Variants in SRSF4 observed in about 807,000 individuals in gnomAD.
The protein encoded by SRSF4 is serine and arginine rich splicing factor 4.
SRSF4 carries 12 observed loss-of-function variants against 48.8 expected under a neutral mutation model. The ratio of observed to expected loss-of-function variants is 0.25; its 90% CI spans 0.16 to 0.40. The LOEUF (loss-of-function observed/expected upper bound fraction) is 0.40. SRSF4 is among the 10% of genes least tolerant of loss of function. The pLI, the probability that SRSF4 is intolerant of heterozygous loss-of-function variation, is 1.00. For synonymous variants in SRSF4, 248 were observed against 232.5 expected, an observed-to-expected ratio of 1.07 and a Z score of -0.61; for missense variants, 466 against 667.1, an observed-to-expected ratio of 0.70 and a Z score of 3.32.
intron 1 of SRSF4, among the ~76,000 whole-genome samples, chr1:29,174,603 T>C (rs1189853405): frequency 6.7e-6 from 1 of 149,820 alleles, no homozygotes; most frequent in Non-Finnish European, 1.5e-5. Flanking sequence ...ACTTATAGTA[T>C]GATTCCAAGT....
rs1319312307 is a variant in SRSF4, at chr1:29,154,728, G to A, written c.546C>T (p.Arg182=). 2 of 1,614,160 alleles carry A rather than the reference G, an allele frequency of 1.2e-6. No homozygotes were observed. The highest frequency in any genetic ancestry group is 1.7e-6 in the Non-Finnish European group (2 of 1,180,038). The change falls in exon 4 of 6, where the codon CGC becomes CGT. Residue 182 remains arginine, a synonymous_variant. Coordinates refer to ENST00000373795, the MANE Select transcript of SRSF4 (RefSeq NM_005626.5). ...LVEDKPGSRR[R]RSYSRSRSHS... ...GACTCCGGCTTCTGGAGTAGGACCG[G>A]CGTCGTCTGGAACCTGGCTTGTCTT...
Position 29,149,140 on chromosome 1 carries a change from T to C in SRSF4, c.755A>G (p.Lys252Arg). The change falls in exon 6 of 6, where the codon AAG becomes AGG. Residue 252 changes from lysine (K) to arginine (R), a missense_variant. This residue lies in a region of SRSF4 where 402 missense variants were observed against 437.0 expected (regional missense o/e 0.92). Coordinates refer to ENST00000373795, the MANE Select transcript of SRSF4 (RefSeq NM_005626.5). ...SKKEKSRSPS[K>R]EKSRSRSHSA... Reference sequence around the variant, plus strand: ...ATGGCTGCGGCTGCGGCTCTTTTCCTTGCTGGGGCTCCTGCTTTTCTCTTT... The same window carrying C: ...ATGGCTGCGGCTGCGGCTCTTTTCCCTGCTGGGGCTCCTGCTTTTCTCTTT... 2 of 1,608,104 alleles carry C rather than the reference T, an allele frequency of 1.2e-6. No individual in the cohort carries two copies. The highest frequency in any genetic ancestry group is 1.7e-6 in the Non-Finnish European group (2 of 1,176,678).
chr1:29,152,687 G>A (rs1272721519), intron 4 of SRSF4, among the ~76,000 whole-genome samples: 1 of 152,078 alleles, frequency 6.6e-6, no homozygotes, highest in African/African-American at 2.4e-5. Flanking sequence ...GGAAGGCCGA[G>A]GTGGGTGGGT....
intron 1 of SRSF4, among the ~76,000 whole-genome samples, chr1:29,162,181 T>A (rs1001743952): frequency 6.6e-6 from 1 of 152,188 alleles, no homozygotes; most frequent in Non-Finnish European, 1.5e-5. Context: ...CCTGGCTCAA[T>A]TTATGGGCTG....
intron 3 of SRSF4, among the ~76,000 whole-genome samples, chr1:29,156,226 C>T (rs1362923264): frequency 4.0e-5 from 6 of 151,830 alleles, no homozygotes; most frequent in African/African-American, 1.2e-4. Flanking sequence ...TGGTGGCAGG[C>T]GCTTGTAACC....
chr1:29,148,749 G>T lies in SRSF4; in HGVS notation c.1146C>A (p.Ser382Arg), dbSNP rs1458086754. Reference protein sequence around the residue: ...SKSERSRKRGSKRDSKAGSSK... With the variant: ...SKSERSRKRGRKRDSKAGSSK... Reference sequence around the variant, plus strand: ...TGCTGCCCGCCTTGCTGTCTCGCTTGCTGCCTCGCTTTCTGCTCCTCTCAC... The same window carrying T: ...TGCTGCCCGCCTTGCTGTCTCGCTTTCTGCCTCGCTTTCTGCTCCTCTCAC... The change falls in exon 6 of 6, where the codon AGC becomes AGA. Residue 382 changes from serine (S) to arginine (R), a missense_variant. Transcript: ENST00000373795. The T allele has an allele frequency of 6.2e-7, 1 of 1,613,406 alleles. No homozygotes were observed. Among genetic ancestry groups the T allele is most frequent in the Non-Finnish European group, 8.5e-7 (1 of 1,179,870 alleles).
Position 29,160,392 on chromosome 1 carries a change from C to T in SRSF4, c.233G>A (p.Ser78Asn), listed in dbSNP as rs1386791573. 5 of 1,613,408 alleles carry T rather than the reference C, an allele frequency of 3.1e-6. No homozygotes were observed. Among genetic ancestry groups the T allele is most frequent in the South Asian group, 1.1e-5 (1 of 90,980 alleles). ...EHARGPRRDG[S>N]YGSGRSGYGY... Reference sequence around the variant, plus strand: ...ATGCTTACTGCGTCCAGAACCGTAACTGCCATCTCGCCGTGGGCCGCGGGC... The same window carrying T: ...ATGCTTACTGCGTCCAGAACCGTAATTGCCATCTCGCCGTGGGCCGCGGGC... The change falls in exon 2 of 6, where the codon AGT (serine) becomes AAT (asparagine). Residue 78 changes from serine to asparagine, a missense_variant. Ser to Asn is a conservative substitution (Grantham distance 46). Coordinates refer to ENST00000373795, the MANE Select transcript of SRSF4 (RefSeq NM_005626.5).
At chr1:29,176,018 C>T (rs554176131) in intron 1 of SRSF4, among the ~76,000 whole-genome samples, 15 of 152,048 alleles carry the variant, frequency 9.9e-5, no homozygotes, top group African/African-American at 3.4e-4. Context: ...TTTGGGAGGC[C>T]GAGGCAGGTG....
intron 3 of SRSF4, 123 bp downstream of exon 3, chr1:29,159,251 T>A: frequency 3.4e-6 from 2 of 594,866 alleles, no homozygotes; most frequent in South Asian, 4.6e-5. Flanking sequence ...TATTTCCAGC[T>A]CTGTGCAGGC....
In SRSF4 at chr1:29,148,696, T is replaced by A; in HGVS notation, c.1199A>T (p.Asp400Val). The A allele has an allele frequency of 6.2e-7, 1 of 1,613,934 alleles. No homozygotes were observed. The highest frequency in any genetic ancestry group is 8.5e-7 in the Non-Finnish European group (1 of 1,179,998). Residue 400 changes from aspartate (D) to valine (V), a missense_variant, in exon 6 of 6, where the codon GAC (aspartate) becomes GTC (valine). By Grantham distance (152) the Asp-to-Val change is radical. Transcript: ENST00000373795. Reference protein sequence around the residue: ...SSKKKKKEDTDRSQSRSPSRS... With the variant: ...SSKKKKKEDTVRSQSRSPSRS... ...GGATGGAGATCTGGACTGGGAGCGG[T>A]CAGTGTCTTCCTTCTTCTTCTTCTT... is the stretch of plus-strand genomic sequence containing the variant.
intron 3 of SRSF4, 37 bp downstream of exon 3, chr1:29,159,337 G>T: frequency 6.7e-7 from 1 of 1,495,230 alleles, no homozygotes; most frequent in Non-Finnish European, 9.3e-7. Flanking sequence ...TTTAACTCCT[G>T]CCCAACCTTA....
intron 1 of SRSF4, among the ~76,000 whole-genome samples, chr1:29,176,715 C>T (rs1371226948): frequency 6.6e-6 from 1 of 152,010 alleles, no homozygotes; most frequent in African/African-American, 2.4e-5. Flanking sequence ...CTGCCTCACT[C>T]GAAGAGTCTT....
At chr1:29,160,714 CA>C (rs1261034940) in intron 1 of SRSF4, among the ~76,000 whole-genome samples, 197 bp from the exon 2 acceptor site, 3 of 152,212 alleles carry the variant, frequency 2.0e-5, no homozygotes, top group African/African-American at 7.2e-5. Context: ...GGAGACTTCT[CA>C]AAGTAGACTC....
intron 1 of SRSF4, among the ~76,000 whole-genome samples, chr1:29,179,966 T>C (rs1672929769): frequency 1.3e-5 from 2 of 152,220 alleles, no homozygotes; most frequent in Admixed American, 1.3e-4. Flanking sequence ...TGAGTAACAT[T>C]AGAAAAGACC....
At chr1:29,180,588 A>C (rs493564) in intron 1 of SRSF4, among the ~76,000 whole-genome samples, 109,845 of 152,104 alleles carry the variant, frequency 0.72, 40,784 homozygotes, top group Non-Finnish European at 0.82. Context: ...CTATATTACA[A>C]CTGTTGCAAA....
Position 29,181,801 on chromosome 1 carries a change from GGCGGCGGGCAAAGCGAGAGCACGGCGGCA to G in SRSF4, c.-78_-50del, listed in dbSNP as rs1672965353. The G allele has an allele frequency of 6.7e-7, 1 of 1,486,852 alleles. No individual in the cohort carries two copies. The highest frequency in any genetic ancestry group is 9.0e-7 in the Non-Finnish European group (1 of 1,116,520). 92.1% of individuals were successfully genotyped at this position (1,486,852 alleles called of 1,614,324 possible). On this transcript the variant is annotated 5_prime_UTR_variant, in exon 1 of 6. Transcript: ENST00000373795. ...GCCCCGGCCCCAGCCCCCCTTAGGC[GGCGGCGGGCAAAGCGAGAGCACGGCGGCA>G]GCGGCGGCGGCGGCAACGGGCGGGC...
chr1:29,159,108 ACAAACCAAACCAAACCAAAC>A lies in SRSF4; in HGVS notation c.363+246_363+265del, dbSNP rs6143174. Among the ~76,000 whole-genome samples the A allele has an allele frequency of 2.6e-4, 38 of 148,544 alleles. No individual in the cohort carries two copies. The East Asian group carries it at 5.2e-3, about 20-fold the overall frequency. Reference sequence around the variant, plus strand: ...GCAACACAGCGAGACTCCATCTCAAACAAACCAAACCAAACCAAACCAAACCAAACCAAACCAAACCAAAC... The same window carrying A: ...GCAACACAGCGAGACTCCATCTCAAACAAACCAAACCAAACCAAACCAAAC... On this transcript the variant is annotated intron_variant, in intron 3 of 5. Coordinates refer to ENST00000373795, the MANE Select transcript of SRSF4 (RefSeq NM_005626.5).
chr1:29,154,940 A>C, intron 3 of SRSF4, 30 bp from the exon 4 acceptor site: 1 of 1,588,206 alleles, frequency 6.3e-7, no homozygotes, highest in South Asian at 1.1e-5. Flanking sequence ...TGACTACATT[A>C]GGATATGTTT....
chr1:29,148,929 G>A lies in SRSF4; in HGVS notation c.966C>T (p.Ser322=). The change falls in exon 6 of 6, where the codon AGC becomes AGT. Residue 322 remains serine (S), a synonymous_variant. Transcript: ENST00000373795. ...GACTCTGGCGGAGGCTCTTCTCCTG[G>A]CTCCTGCCCCTGCTCACACTCCCTC... ...EKRGSVSRGR[S]QEKSLRQSRS... The A allele has an allele frequency of 1.2e-6, 2 of 1,612,526 alleles. No individual in the cohort carries two copies. Among genetic ancestry groups the A allele is most frequent in the Non-Finnish European group, 1.7e-6 (2 of 1,179,588 alleles).
Sources: allele counts gnomAD v4.1 joint callset (sites outside exome capture counted in the v4.1 genomes callset), GRCh38; gene constraint gnomAD v4.1.1; regional missense constraint gnomAD v4.1.1; transcripts MANE v1.5; gene names NCBI Gene and HGNC (gene_info 2026-07-23, HGNC 2026-07-21).